The following RGN variants were observed in gnomAD, a reference collection of about 807,000 sequenced individuals.
RGN encodes the protein regucalcin, also known as epididymis secretory protein Li 41.
A neutral mutation model predicts 20.6 loss-of-function variants in RGN; 19 were observed. The observed-to-expected ratio is 0.92, with a 90% CI of 0.64 to 1.35. The LOEUF (loss-of-function observed/expected upper bound fraction) is 1.35. Among genes scored for constraint, RGN ranks in the 40% most tolerant of loss-of-function variants. The probability of loss-of-function intolerance (pLI) is 0.00; values close to 1 mark genes in which losing one functional copy is unlikely to be tolerated. For missense variants in RGN, 302 were observed against 232.7 expected, an observed-to-expected ratio of 1.30 and a Z score of -1.94; for synonymous variants, 85 against 87.2, an observed-to-expected ratio of 0.97 and a Z score of 0.14.
chrX:47,089,949 T>C lies in RGN; in HGVS notation c.520T>C (p.Ser174Pro), dbSNP rs1472396509. ...IFYYIDSLSY[S>P]VDAFDYDLQT... is the part of the protein sequence containing the mutation. ...CTATTACATTGACAGCCTGTCCTAC[T>C]CCGTGGATGCCTTTGACTATGACCT... The change falls in exon 5 of 8, where the codon TCC (serine) becomes CCC (proline). Residue 174 changes from serine (S) to proline (P), a missense_variant. Physicochemically the swap from Ser to Pro is moderately conservative, Grantham distance 74. Coordinates refer to ENST00000397180, the MANE Select transcript of RGN (RefSeq NM_152869.4). 8.3e-7 allele frequency: 1 copy of C among 1,205,334 alleles called. No individual in the cohort carries two copies. Among genetic ancestry groups the C allele is most frequent in the Non-Finnish European group, 1.1e-6 (1 of 892,538 alleles).
rs1198863768 is a variant in RGN at position 47,091,396 on chromosome X, G to C, written c.563-282G>C. Among the ~76,000 whole-genome samples the C allele has an allele frequency of 9.0e-5, 10 of 111,695 alleles. No individual in the cohort carries two copies. The Admixed American group carries it at 9.6e-4, about 11-fold the overall frequency. ...CATAGACATGCAGGGCCCCAGTTCAGGTCAGCTTCAAAAAGAAGTATTATT... is the reference window on the plus strand; with the variant it reads ...CATAGACATGCAGGGCCCCAGTTCACGTCAGCTTCAAAAAGAAGTATTATT... On this transcript the variant is annotated intron_variant, in intron 5 of 7. Transcript: ENST00000397180.
intron 3 of RGN, among the ~76,000 whole-genome samples, chrX:47,083,591 A>G (rs1556382463): frequency 8.9e-6 from 1 of 111,776 alleles, no homozygotes; most frequent in African/African-American, 3.2e-5. Flanking sequence ...GCAATTAAAT[A>G]CATATAAAAT....
chrX:47,085,566 T>C lies in RGN; in HGVS notation c.346+966T>C, dbSNP rs143290491. Among the ~76,000 whole-genome samples the C allele has an allele frequency of 8.3e-3, 921 of 111,098 alleles. 2 individuals are homozygous for C. The highest frequency in any genetic ancestry group is 0.032 in the Middle Eastern group (7 of 216). ...AACACTTGTATACCTTTTACCCGGG[T>C]TCACCTATTGCTAACATTTTGTTCC... On this transcript the variant is annotated intron_variant, in intron 4 of 7. Coordinates refer to ENST00000397180, the MANE Select transcript of RGN (RefSeq NM_152869.4).
chrX:47,087,252 T>G (rs922505413), intron 4 of RGN, among the ~76,000 whole-genome samples: 1 of 111,564 alleles, frequency 9.0e-6, no homozygotes, highest in Non-Finnish European at 1.9e-5. Context: ...TTGTTGGCCC[T>G]GCTGTCCTGG....
intron 3 of RGN, among the ~76,000 whole-genome samples, chrX:47,083,173 G>A (rs934325146): frequency 9.0e-6 from 1 of 111,307 alleles, no homozygotes; most frequent in Non-Finnish European, 1.9e-5. Context: ...GCTGAGGTGG[G>A]TGGATCACTT....
rs1251687681 is a variant in RGN at position 47,089,579 on chromosome X, TTATA to T, written c.347-180_347-177del. On this transcript the variant is annotated intron_variant, in intron 4 of 7. Coordinates refer to ENST00000397180, the MANE Select transcript of RGN (RefSeq NM_152869.4). ...CTTATATATACATATTATATATACT[TTATA>T]TATATATATATATATACACACACAC... is the stretch of plus-strand genomic sequence containing the variant. 2.5e-3 allele frequency among the ~76,000 whole-genome samples: 112 copies of T among 44,133 alleles called. 2 individuals carry two copies. Among genetic ancestry groups the T allele is most frequent in the South Asian group, 9.3e-3 (9 of 966 alleles). The allele number at this position is 44,133 out of a possible 115,157, so 38.3% of individuals were successfully genotyped here.
At chrX:47,082,717 G>A (rs1187662331) in intron 3 of RGN, among the ~76,000 whole-genome samples, 1 of 111,268 alleles carries the variant, frequency 9.0e-6, no homozygotes, top group Non-Finnish European at 1.9e-5. Flanking sequence ...TGGGGATGGG[G>A]TCCCCTTGCC....
rs537908151 is a variant in RGN, at chrX:47,090,798, G to C, written c.562+807G>C. ...GAATCGCTTGAACCCGGGAGGCAGGGGTTGCAGTGAGCCGAGATCGCGCCA... is the reference window on the plus strand; with the variant it reads ...GAATCGCTTGAACCCGGGAGGCAGGCGTTGCAGTGAGCCGAGATCGCGCCA... On this transcript the variant is annotated intron_variant, in intron 5 of 7. Coordinates refer to ENST00000397180, the MANE Select transcript of RGN (RefSeq NM_152869.4). Among the ~76,000 whole-genome samples the C allele has an allele frequency of 9.4e-5, 10 of 106,064 alleles. No individual in the cohort carries two copies. In the South Asian group the frequency reaches 4.3e-3, roughly 46 times the overall value. The allele number at this position is 106,064 out of a possible 115,157, so 92.1% of individuals were successfully genotyped here.
chrX:47,092,944 A>C lies in RGN; in HGVS notation c.897A>C (p.Gly299=). The change falls in exon 8 of 8, where the codon GGA becomes GGC. Residue 299 remains glycine, a synonymous_variant. Coordinates refer to ENST00000397180, the MANE Select transcript of RGN (RefSeq NM_152869.4). ...GAATTGCTCCCTACTCCTATGCGGG[A>C]TGAGGACAGGTCTTCTTTCCTGCCA... ...VKGIAPYSYA[G] 8.3e-7 allele frequency: 1 copy of C among 1,201,360 alleles called. No individual in the cohort carries two copies. The highest frequency in any genetic ancestry group is 1.1e-6 in the Non-Finnish European group (1 of 886,868).
Position 47,080,920 on chromosome X carries a change from C to T in RGN, c.-32C>T, listed in dbSNP as rs1930268138. ...TTTGTTTTCTTTTTGAAAGATCATT[C>T]GAGAAACACGTCACTGGTAAGTTGG... On this transcript the variant is annotated 5_prime_UTR_variant, in exon 2 of 8. Coordinates refer to ENST00000397180, the MANE Select transcript of RGN (RefSeq NM_152869.4). 5.6e-6 allele frequency: 2 copies of T among 357,366 alleles called. No homozygotes were observed. The highest frequency in any genetic ancestry group is 9.7e-6 in the Non-Finnish European group (2 of 206,861). 29.5% of individuals were successfully genotyped at this position (357,366 alleles called of 1,213,427 possible).
At chrX:47,083,147 T>C (rs782054370) in intron 3 of RGN, among the ~76,000 whole-genome samples, 2 of 111,512 alleles carry the variant, frequency 1.8e-5, no homozygotes, top group Non-Finnish European at 3.8e-5. Flanking sequence ...GCCTGTAATC[T>C]CAACACTTTT....
chrX:47,089,979 A>G lies in RGN; in HGVS notation c.550A>G (p.Thr184Ala). The part of the protein sequence containing the change: ...SVDAFDYDLQ[T>A]GQISNRRSVY... ...GGATGCCTTTGACTATGACCTGCAG[A>G]CAGGACAGATCTGTATGTATTTTTC... The change falls in exon 5 of 8, where the codon ACA (threonine) becomes GCA (alanine). Residue 184 changes from threonine to alanine, a missense_variant. Thr to Ala is a moderately conservative substitution (Grantham distance 58). Transcript: ENST00000397180. The G allele has an allele frequency of 1.7e-6, 2 of 1,182,109 alleles. No homozygotes were observed. Among genetic ancestry groups the G allele is most frequent in the Non-Finnish European group, 2.3e-6 (2 of 872,536 alleles).
At chrX:47,081,522 T>TTG (rs1491236434) in intron 3 of RGN, among the ~76,000 whole-genome samples, 5 of 83,556 alleles carry the variant, frequency 6.0e-5, no homozygotes, top group Admixed American at 5.3e-4. Context: ...AGTTTTTTTT[T>TTG]GGGGGGGGGG....
chrX:47,092,574 G>A (rs1931062779), intron 7 of RGN, among the ~76,000 whole-genome samples: 1 of 111,999 alleles, frequency 8.9e-6, no homozygotes, highest in African/African-American at 3.2e-5. Context: ...TTTGGCAGCA[G>A]AATAAACACT....
intron 3 of RGN, among the ~76,000 whole-genome samples, chrX:47,083,481 T>C (rs1159229411): frequency 3.6e-5 from 4 of 111,946 alleles, no homozygotes; most frequent in Non-Finnish European, 7.5e-5. Flanking sequence ...TGTAGTAATA[T>C]AATGAAGAGA....
rs1930267425 is a variant in RGN, at chrX:47,080,903, C to T, written c.-49C>T. ...GGTCAGAGTGTCACTTTTTTGTTTT[C>T]TTTTTGAAAGATCATTCGAGAAACA... is the stretch of plus-strand genomic sequence containing the variant. On this transcript the variant is annotated 5_prime_UTR_variant, in exon 2 of 8. Coordinates refer to ENST00000397180, the MANE Select transcript of RGN (RefSeq NM_152869.4). The T allele has an allele frequency of 1.5e-5, 5 of 339,084 alleles. No individual in the cohort carries two copies. The highest frequency in any genetic ancestry group is 2.0e-5 in the Non-Finnish European group (4 of 196,517). 27.9% of individuals were successfully genotyped at this position (339,084 alleles called of 1,213,427 possible). A position where few individuals can be genotyped will look rare whatever the true frequency, so the allele number is the denominator to read the frequency against.
At chrX:47,082,570 C>T (rs1930386967) in intron 3 of RGN, among the ~76,000 whole-genome samples, 1 of 111,110 alleles carries the variant, frequency 9.0e-6, no homozygotes, top group South Asian at 3.8e-4. Context: ...GCCTTGGCCT[C>T]CCAAAGTGCT....
chrX:47,087,853 T>G (rs985795280), intron 4 of RGN, among the ~76,000 whole-genome samples: 1 of 102,254 alleles, frequency 9.8e-6, no homozygotes, highest in Admixed American at 1.2e-4. Flanking sequence ...TAATTTTAAA[T>G]TATATATTAT....
intron 7 of RGN, 36 bp downstream of exon 7, chrX:47,092,251 G>T (rs782682963): frequency 9.0e-7 from 1 of 1,112,385 alleles, no homozygotes; most frequent in South Asian, 2.1e-5. Context: ...GGGGGTGGGG[G>T]ATCCCAAATA....
Sources: allele counts gnomAD v4.1 joint callset (sites outside exome capture counted in the v4.1 genomes callset), GRCh38; gene constraint gnomAD v4.1.1; transcripts MANE v1.5; gene names NCBI Gene and HGNC (gene_info 2026-07-23, HGNC 2026-07-21).